Variants in DMTN observed in about 807,000 individuals in gnomAD.
DMTN encodes dematin actin binding protein, also known as dematin.
DMTN carries 27 observed loss-of-function variants against 59.4 expected under a neutral mutation model. The observed-to-expected ratio is 0.45, with a 90% CI of 0.33 to 0.63. The LOEUF (loss-of-function observed/expected upper bound fraction) is 0.63, where lower values mean the gene tolerates loss of function less well. Ranked by LOEUF, DMTN falls within the 20% of genes least tolerant of loss-of-function variation. DMTN has a pLI of 0.02. For missense variants in DMTN, 451 were observed against 528.9 expected (o/e 0.85, Z 1.45); for synonymous variants, 221 against 203.7 (o/e 1.08, Z -0.72).
At chr8:22,077,422 A>T (rs73670335) in intron 10 of DMTN, among the ~76,000 whole-genome samples, 3,029 of 152,232 alleles carry the variant, frequency 0.02, 95 homozygotes, top group African/African-American at 0.068. Flanking sequence ...GAACTGGGGA[A>T]TTCAAGGTTA....
chr8:22,066,934 T>G (rs2130888134), intron 2 of DMTN, 41 bp downstream of exon 2: 1 of 1,236,284 alleles, frequency 8.1e-7, no homozygotes. Context: ...CGAGGGCGGG[T>G]GGGGGCCGCT....
intron 8 of DMTN, among the ~76,000 whole-genome samples, chr8:22,070,949 A>G (rs1179711362): frequency 6.6e-6 from 1 of 152,224 alleles, no homozygotes; most frequent in Non-Finnish European, 1.5e-5. Flanking sequence ...GTTTGACTTA[A>G]GACAATGGCC....
At position 22,075,341 on chromosome 8, in the gene DMTN, TTTCTTTCTTCTTTC is replaced by T. The variant is rs1818935164; in HGVS notation, c.835+1512_835+1525del. On this transcript the variant is annotated intron_variant, in intron 10 of 15. Transcript: ENST00000358242. The stretch of plus-strand genomic sequence containing the variant: ...CCCTTCTTCTTCTTCTTTCTTCTTT[TTTCTTTCTTCTTTC>T]TTCTTCTTCTTCTGGCAGGGTCTTG... Among the ~76,000 whole-genome samples, 9 of 151,370 alleles carry T rather than the reference TTTCTTTCTTCTTTC, an allele frequency of 5.9e-5. No homozygotes were observed. In the South Asian group the frequency reaches 1.9e-3, roughly 32 times the overall value.
chr8:22,071,736 C>T (rs1455221610), intron 8 of DMTN, among the ~76,000 whole-genome samples: 1 of 152,046 alleles, frequency 6.6e-6, no homozygotes, highest in Non-Finnish European at 1.5e-5. Context: ...CCCGCCACCA[C>T]GCCCAGCTAA....
upstream of DMTN, among the ~76,000 whole-genome samples, chr8:22,050,516 T>A (rs1358335434): frequency 6.6e-6 from 1 of 151,082 alleles, no homozygotes; most frequent in Non-Finnish European, 1.5e-5. Context: ...CTTCTCGGCC[T>A]TTCTCCGGCC....
At chr8:22,080,497 G>A in intron 12 of DMTN, 37 bp downstream of exon 12, 1 of 1,614,200 alleles carries the variant, frequency 6.2e-7, no homozygotes. Context: ...TCTGGAGAAG[G>A]GGCTTACACA....
At position 22,066,832 on chromosome 8, in the gene DMTN, G is replaced by A. The variant is rs1219272027; in HGVS notation, c.-44G>A. The stretch of plus-strand genomic sequence containing the variant: ...CTGACACGCTGTCCTCTCCCCTCGC[G>A]CACAGGGCTCTGCGAGTGACCCGGC... On this transcript the variant is annotated 5_prime_UTR_variant, in exon 2 of 16. Transcript: ENST00000358242. The A allele has an allele frequency of 2.8e-6, 4 of 1,421,726 alleles. No homozygotes were observed. The highest frequency in any genetic ancestry group is 1.8e-6 in the Non-Finnish European group (2 of 1,085,512). 88.1% of individuals were successfully genotyped at this position (1,421,726 alleles called of 1,614,324 possible). A position where few individuals can be genotyped will look rare whatever the true frequency, so the allele number is the denominator to read the frequency against.
chr8:22,080,067 A>C, intron 10 of DMTN, 113 bp from the exon 11 acceptor site: 1 of 1,230,140 alleles, frequency 8.1e-7, no homozygotes, highest in Non-Finnish European at 1.2e-6. Context: ...GGTTCCCCCC[A>C]GCGTGATCCC....
intron 10 of DMTN, among the ~76,000 whole-genome samples, chr8:22,079,316 G>C (rs1822564080): frequency 1.7e-5 from 1 of 58,292 alleles, no homozygotes; most frequent in Admixed American, 2.2e-4. Context: ...TGGGTTTGAT[G>C]GCGCATGCCC....
At position 22,072,334 on chromosome 8, in the gene DMTN, T is replaced by C; in HGVS notation, c.613T>C (p.Trp205Arg). ...PPSLAVVETE[W>R]RKRKASRRGA... ...TTGCTTGTGTCTCCTAGAGACAGAATGGAGGAAGCGGAAGGCGTCTCGGAG... is the reference window on the plus strand; with the variant it reads ...TTGCTTGTGTCTCCTAGAGACAGAACGGAGGAAGCGGAAGGCGTCTCGGAG... The change falls in exon 9 of 16, where the codon TGG (tryptophan) becomes CGG (arginine). Residue 205 changes from tryptophan (W) to arginine (R), a missense_variant. Coordinates refer to ENST00000358242, the MANE Select transcript of DMTN (RefSeq NM_001387751.1). 2 of 1,600,562 alleles carry C rather than the reference T, an allele frequency of 1.2e-6. No individual in the cohort carries two copies. The highest frequency in any genetic ancestry group is 2.3e-5 in the East Asian group (1 of 44,322).
At position 22,081,426 on chromosome 8, in the gene DMTN, A is replaced by G; in HGVS notation, c.1181A>G (p.Lys394Arg). ...PEEFGKLALW[K>R]RNELKKKASL... ...GAGTTTGGCAAGCTGGCTCTGTGGA[A>G]GCGGAATGAGCTCAAGAAGAAGGCC... Residue 394 changes from lysine (K) to arginine (R), a missense_variant, in exon 16 of 16, where the codon AAG becomes AGG. Coordinates refer to ENST00000358242, the MANE Select transcript of DMTN (RefSeq NM_001387751.1). The G allele has an allele frequency of 6.2e-7, 1 of 1,614,096 alleles. No homozygotes were observed. Among genetic ancestry groups the G allele is most frequent in the Non-Finnish European group, 8.5e-7 (1 of 1,179,968 alleles).
intron 7 of DMTN, 38 bp downstream of exon 7, chr8:22,069,975 C>G (rs749804653): frequency 1.9e-5 from 31 of 1,611,882 alleles, no homozygotes; most frequent in Non-Finnish European, 2.6e-5. Context: ...CTGCTTCCGG[C>G]TGCATGCTGG....
At chr8:22,073,697 G>A in intron 9 of DMTN, 33 bp from the exon 10 acceptor site, 3 of 1,289,856 alleles carry the variant, frequency 2.3e-6, no homozygotes, top group Non-Finnish European at 3.4e-6. Context: ...AAGTGTCTAA[G>A]TCTTGGCTCC....
intron 1 of DMTN, among the ~76,000 whole-genome samples, chr8:22,065,693 A>G (rs566262736): frequency 2.7e-4 from 41 of 152,174 alleles, no homozygotes; most frequent in African/African-American, 9.4e-4. Context: ...AAATACAAAA[A>G]TTAGCCAGGC....
At chr8:22,074,046 C>A (rs1409324524) in intron 10 of DMTN, among the ~76,000 whole-genome samples, 4 of 152,232 alleles carry the variant, frequency 2.6e-5, no homozygotes, top group Non-Finnish European at 5.9e-5. Context: ...TTTAATTTAA[C>A]AACCATTTAT....
rs1803874933 is a variant in DMTN, at chr8:22,058,304, C to T, written c.-172+1168C>T. 2.0e-5 allele frequency among the ~76,000 whole-genome samples: 3 copies of T among 152,104 alleles called. No individual in the cohort carries two copies. The highest frequency in any genetic ancestry group is 2.0e-4 in the Admixed American group (3 of 15,274). The stretch of plus-strand genomic sequence containing the variant: ...TCTGCAGAATCCCTCTCCTAGAGCT[C>T]CTGGGTGTTGTGGGACTGGAACAGG... On this transcript the variant is annotated intron_variant, in intron 1 of 15. Transcript: ENST00000358242. The surrounding 1 kb of genome is among the most constrained non-coding windows in gnomAD (Gnocchi z 4.3).
chr8:22,067,170 C>G lies in DMTN; in HGVS notation c.93+11C>G, dbSNP rs780574456. 5 of 1,609,400 alleles carry G rather than the reference C, an allele frequency of 3.1e-6. No homozygotes were observed. The African/African-American group carries it at 6.7e-5, about 22-fold the overall frequency. ...CCCTCCAGCATCGTGGTGAGTACCC[C>G]TCTCGGCCACCAGCAACCCCTGGCT... On this transcript the variant is annotated intron_variant, in intron 3 of 15. Coordinates refer to ENST00000358242, the MANE Select transcript of DMTN (RefSeq NM_001387751.1).
intron 5 of DMTN, 57 bp from the exon 6 acceptor site, chr8:22,069,362 G>C (rs766413952): frequency 2.2e-5 from 32 of 1,425,490 alleles, no homozygotes; most frequent in Non-Finnish European, 2.3e-5. Flanking sequence ...CTGATGGGGT[G>C]CATGTGTGGG....
chr8:22,069,743 G>C (rs112125971), intron 6 of DMTN, 138 bp from the exon 7 acceptor site: 1 of 1,084,652 alleles, frequency 9.2e-7, no homozygotes, highest in African/African-American at 1.6e-5. Context: ...GGCAGTGCCA[G>C]GAATGCCAGC....
Sources: allele counts gnomAD v4.1 joint callset (sites outside exome capture counted in the v4.1 genomes callset), GRCh38; gene constraint gnomAD v4.1.1; non-coding constraint Gnocchi (gnomAD v3.1); transcripts MANE v1.5; gene names NCBI Gene and HGNC (gene_info 2026-07-23, HGNC 2026-07-21).